The following MACROD2 variants were observed in gnomAD, a reference collection of about 807,000 sequenced individuals.
MACROD2 encodes the protein mono-ADP ribosylhydrolase 2, also known as ADP-ribose glycohydrolase MACROD2.
MACROD2 carries 36 observed loss-of-function variants against 70.4 expected under a neutral mutation model. The observed-to-expected ratio is 0.51, with a 90% CI of 0.39 to 0.68. MACROD2 has a LOEUF of 0.68. MACROD2 is among the 30% of genes least tolerant of loss of function. The pLI, the probability that MACROD2 is intolerant of heterozygous loss-of-function variation, is 0.00. For missense variants in MACROD2, 496 were observed against 538.4 expected (o/e 0.92, Z 0.78); for synonymous variants, 172 against 178.8 (o/e 0.96, Z 0.30).
chr20:15,109,878 G>A (rs79291095), intron 5 of MACROD2, among the ~76,000 whole-genome samples: 2,388 of 151,962 alleles, frequency 0.016, 62 homozygotes, highest in African/African-American at 0.055. Context: ...TCACAAAGGC[G>A]AAAAGCCTTC....
intron 13 of MACROD2, among the ~76,000 whole-genome samples, chr20:15,984,044 A>G (rs536506704): frequency 6.6e-6 from 1 of 152,242 alleles, no homozygotes; most frequent in South Asian, 2.1e-4. Flanking sequence ...TGTTAAACTT[A>G]ATTTTAATAA....
chr20:15,006,071 C>A (rs2075033476), intron 5 of MACROD2, among the ~76,000 whole-genome samples: 1 of 151,220 alleles, frequency 6.6e-6, no homozygotes, highest in Non-Finnish European at 1.5e-5. Flanking sequence ...GTGCACTATA[C>A]TAGGTGCTTT....
At chr20:14,070,657 A>C (rs2053825697) in intron 2 of MACROD2, among the ~76,000 whole-genome samples, 1 of 152,084 alleles carries the variant, frequency 6.6e-6, no homozygotes, top group Non-Finnish European at 1.5e-5. Context: ...CTGGATTAAG[A>C]CTAAACTCAC....
chr20:14,270,243 G>T (rs887062075), intron 3 of MACROD2, among the ~76,000 whole-genome samples: 2 of 151,142 alleles, frequency 1.3e-5, no homozygotes, highest in Admixed American at 6.6e-5. Flanking sequence ...GTCTACATAC[G>T]TGTGTGTGTG....
At chr20:14,685,052 G>C in intron 5 of MACROD2, 93 bp downstream of exon 5, 1 of 967,262 alleles carries the variant, frequency 1.0e-6, no homozygotes. Context: ...GGCAGTGGTG[G>C]TATTTAATTA....
chr20:14,276,878 T>C (rs1440327111), intron 3 of MACROD2, among the ~76,000 whole-genome samples: 1 of 152,168 alleles, frequency 6.6e-6, no homozygotes, highest in Non-Finnish European at 1.5e-5. Flanking sequence ...TACTTAACAG[T>C]CACCTAATCT....
At chr20:15,241,114 T>C (rs1284124986) in intron 6 of MACROD2, among the ~76,000 whole-genome samples, 2 of 152,230 alleles carry the variant, frequency 1.3e-5, no homozygotes, top group African/African-American at 4.8e-5. Flanking sequence ...AATGTTTAAA[T>C]ATATAAAAGA....
At chr20:15,340,129 TC>T (rs757912054) in intron 6 of MACROD2, among the ~76,000 whole-genome samples, 4,489 of 79,908 alleles carry the variant, frequency 0.056, 341 homozygotes, top group East Asian at 0.16. Context: ...TTTCTTTCTT[TC>T]TTTTTTTTTT....
intron 5 of MACROD2, among the ~76,000 whole-genome samples, chr20:15,141,827 A>G (rs2076194427): frequency 6.6e-6 from 1 of 152,106 alleles, no homozygotes. Flanking sequence ...GCCTCATAGC[A>G]TGGCATTCAA....
intron 8 of MACROD2, among the ~76,000 whole-genome samples, chr20:15,501,277 A>G (rs1254019028): frequency 6.6e-6 from 1 of 152,250 alleles, no homozygotes; most frequent in Non-Finnish European, 1.5e-5. Flanking sequence ...GAAAGTTGAT[A>G]ACTGAGCAAG....
chr20:15,855,300 G>A lies in MACROD2; in HGVS notation c.646-7445G>A, dbSNP rs190672398. On this transcript the variant is annotated intron_variant, in intron 8 of 17. Coordinates refer to ENST00000684519, the MANE Select transcript of MACROD2 (RefSeq NM_001351661.2). ...GGAACATATGTCATCACATTTATGGGGTAGGAAACCCCCAACTGTGGATTA... is the reference window on the plus strand; with the variant it reads ...GGAACATATGTCATCACATTTATGGAGTAGGAAACCCCCAACTGTGGATTA... 5.1e-4 allele frequency among the ~76,000 whole-genome samples: 78 copies of A among 152,236 alleles called. 1 individual carries two copies. In the Middle Eastern group the frequency reaches 0.014, roughly 27 times the overall value.
chr20:14,683,419 A>T (rs1402397782), intron 4 of MACROD2, among the ~76,000 whole-genome samples: 1 of 152,192 alleles, frequency 6.6e-6, no homozygotes, highest in Admixed American at 6.5e-5. Context: ...ATATCTGGTA[A>T]ATGTTTAAGT....
At chr20:14,780,108 C>T (rs570319342) in intron 5 of MACROD2, among the ~76,000 whole-genome samples, 1 of 152,190 alleles carries the variant, frequency 6.6e-6, no homozygotes, top group South Asian at 2.1e-4. Flanking sequence ...TGCCTATAGT[C>T]CCAGCAACTC....
intron 7 of MACROD2, among the ~76,000 whole-genome samples, chr20:15,467,505 A>G (rs2046909985): frequency 6.6e-6 from 1 of 152,196 alleles, no homozygotes; most frequent in Admixed American, 6.5e-5. Flanking sequence ...TTTACAGATG[A>G]GAAAACTGGG....
intron 3 of MACROD2, among the ~76,000 whole-genome samples, chr20:14,218,950 C>T (rs1362516741): frequency 6.6e-6 from 1 of 152,178 alleles, no homozygotes; most frequent in East Asian, 1.9e-4. Flanking sequence ...GTCCTTCTGT[C>T]TCATGGCTCT....
chr20:15,147,429 AT>A (rs11469255), intron 5 of MACROD2, among the ~76,000 whole-genome samples: 35,765 of 148,996 alleles, frequency 0.24, 4,584 homozygotes, highest in South Asian at 0.42. Flanking sequence ...CGGAGTTAGC[AT>A]TTTTTTTTTT....
intron 8 of MACROD2, among the ~76,000 whole-genome samples, chr20:15,807,071 A>G (rs1309337379): frequency 1.3e-5 from 2 of 152,208 alleles, no homozygotes; most frequent in African/African-American, 4.8e-5. Flanking sequence ...TTCCGTCCAT[A>G]CAAACCTATG....
intron 12 of MACROD2, among the ~76,000 whole-genome samples, chr20:15,947,798 A>G (rs1187843475): frequency 6.6e-6 from 1 of 152,226 alleles, no homozygotes; most frequent in African/African-American, 2.4e-5. Context: ...AGAGCCTTGC[A>G]TAAAATTAGA....
chr20:14,483,590 G>A (rs1055146182), intron 3 of MACROD2, among the ~76,000 whole-genome samples: 10 of 151,988 alleles, frequency 6.6e-5, no homozygotes, highest in Non-Finnish European at 1.3e-4. Flanking sequence ...ATTTTTAGTA[G>A]AGACAGGGTT....
Sources: allele counts gnomAD v4.1 joint callset (sites outside exome capture counted in the v4.1 genomes callset), GRCh38; gene constraint gnomAD v4.1.1; transcripts MANE v1.5; gene names NCBI Gene and HGNC (gene_info 2026-07-23, HGNC 2026-07-21).